The following LPP variants were observed in gnomAD, a reference collection of about 807,000 sequenced individuals.
The protein encoded by LPP is LIM domain containing preferred translocation partner in lipoma, also known as lipoma-preferred partner.
LPP carries 38 observed loss-of-function variants against 60.4 expected under a neutral mutation model. The ratio of observed to expected loss-of-function variants is 0.63; its 90% CI spans 0.49 to 0.83. The LOEUF is 0.83. Ranked by LOEUF, LPP falls within the 40% of genes least tolerant of loss-of-function variation. The probability of loss-of-function intolerance (pLI) is 0.00; values close to 1 mark genes in which losing one functional copy is unlikely to be tolerated. For missense variants in LPP, 902 were observed against 783.6 expected (o/e 1.15, Z -1.80); for synonymous variants, 328 against 290.8 (o/e 1.13, Z -1.30).
chr3:188,616,906 G>A (rs1844951882), intron 7 of LPP, among the ~76,000 whole-genome samples: 1 of 152,090 alleles, frequency 6.6e-6, no homozygotes, highest in African/African-American at 2.4e-5. Flanking sequence ...TATAGAAATA[G>A]CAATAGATTT....
At chr3:188,239,095 C>G (rs1357394078) in intron 2 of LPP, among the ~76,000 whole-genome samples, 2 of 152,288 alleles carry the variant, frequency 1.3e-5, no homozygotes, top group South Asian at 2.1e-4. Flanking sequence ...GGATCAGGAG[C>G]AGGATGGTAG....
chr3:188,324,970 C>T (rs1238857203), intron 2 of LPP, among the ~76,000 whole-genome samples: 2 of 151,906 alleles, frequency 1.3e-5, no homozygotes, highest in Non-Finnish European at 2.9e-5. Flanking sequence ...TATGTTCTCT[C>T]CTTTTTTTTT....
intron 2 of LPP, among the ~76,000 whole-genome samples, chr3:188,339,972 C>G (rs1476766810): frequency 1.3e-5 from 2 of 152,216 alleles, no homozygotes; most frequent in Non-Finnish European, 2.9e-5. Flanking sequence ...GAAGTCTACT[C>G]TTTCTCCTTT....
intron 6 of LPP, among the ~76,000 whole-genome samples, chr3:188,590,603 A>G (rs142026567): frequency 1.1e-3 from 161 of 152,346 alleles, no homozygotes; most frequent in African/African-American, 3.7e-3. Flanking sequence ...TTGCAAAAGA[A>G]GTATTTCACT....
chr3:188,786,672 G>C (rs1742035104), intron 9 of LPP, among the ~76,000 whole-genome samples: 1 of 152,106 alleles, frequency 6.6e-6, no homozygotes, highest in African/African-American at 2.4e-5. Context: ...TTCCCAACCT[G>C]GAAAAAACCC....
chr3:188,860,231 A>T (rs765498562), intron 9 of LPP, among the ~76,000 whole-genome samples: 1 of 152,132 alleles, frequency 6.6e-6, no homozygotes, highest in Non-Finnish European at 1.5e-5. Flanking sequence ...GATGACCAGA[A>T]TCAAGGTAGA....
intron 9 of LPP, among the ~76,000 whole-genome samples, chr3:188,791,282 T>G (rs1210799569): frequency 4.6e-5 from 7 of 152,224 alleles, no homozygotes; most frequent in Admixed American, 4.6e-4. Context: ...CTCTTACTGC[T>G]AAATAGCTTC....
chr3:188,599,017 T>C (rs1255245615), intron 6 of LPP, among the ~76,000 whole-genome samples: 5 of 152,172 alleles, frequency 3.3e-5, no homozygotes, highest in Admixed American at 3.3e-4. Flanking sequence ...AAATAGGCTC[T>C]TCTCTCACTA....
At position 188,491,476 on chromosome 3, in the gene LPP, T is replaced by A. The variant is rs146391755; in HGVS notation, c.306+6772T>A. Among the ~76,000 whole-genome samples, 4 of 152,356 alleles carry A rather than the reference T, an allele frequency of 2.6e-5. No individual in the cohort carries two copies. The East Asian group carries it at 7.7e-4, about 29-fold the overall frequency. ...AAGAGATGATTGAGATGCTTATTTCTTCCTGGCCCTTTGCCTAGTTCCTTT... is the reference window on the plus strand; with the variant it reads ...AAGAGATGATTGAGATGCTTATTTCATCCTGGCCCTTTGCCTAGTTCCTTT... On this transcript the variant is annotated intron_variant, in intron 5 of 11. Coordinates refer to ENST00000617246, the MANE Select transcript of LPP (RefSeq NM_001375462.1).
intron 2 of LPP, among the ~76,000 whole-genome samples, chr3:188,252,480 A>G (rs1288202683): frequency 4.6e-5 from 7 of 151,504 alleles, no homozygotes; most frequent in Admixed American, 2.6e-4. Flanking sequence ...TTTTTGGGAT[A>G]TATTCTTAGA....
At chr3:188,695,486 G>C (rs1863046979) in intron 7 of LPP, among the ~76,000 whole-genome samples, 1 of 152,180 alleles carries the variant, frequency 6.6e-6, no homozygotes, top group South Asian at 2.1e-4. Flanking sequence ...CTGTGTGTGA[G>C]CATTTAATAC....
Position 188,879,088 on chromosome 3 carries a change from T to C in LPP, c.*4609T>C. ...TGTTCTCAGTGAGGCATTAATATGG[T>C]GCAACCATGAATATTTCAGGCCAAG... On this transcript the variant is annotated 3_prime_UTR_variant, in exon 12 of 12. Transcript: ENST00000617246. 1 of 228,176 alleles carries C rather than the reference T, an allele frequency of 4.4e-6. No individual in the cohort carries two copies. Among genetic ancestry groups the C allele is most frequent in the Non-Finnish European group, 8.7e-6 (1 of 114,912 alleles). 14.1% of individuals were successfully genotyped at this position (228,176 alleles called of 1,614,324 possible).
chr3:188,836,497 G>A (rs944253445), intron 9 of LPP, among the ~76,000 whole-genome samples: 1 of 152,190 alleles, frequency 6.6e-6, no homozygotes, highest in African/African-American at 2.4e-5. Context: ...TGACAAGAGT[G>A]GCATCCGTGG....
chr3:188,422,653 T>C (rs756844706), intron 4 of LPP, among the ~76,000 whole-genome samples: 1 of 152,162 alleles, frequency 6.6e-6, no homozygotes, highest in Non-Finnish European at 1.5e-5. Context: ...CTAAAATGCA[T>C]GCCTTGTGCA....
At chr3:188,166,998 A>T (rs1720146836) in intron 1 of LPP, among the ~76,000 whole-genome samples, 2 of 152,272 alleles carry the variant, frequency 1.3e-5, no homozygotes, top group East Asian at 1.9e-4. Context: ...TCGCTGAGGG[A>T]TGTAGTAGAA....
intron 1 of LPP, among the ~76,000 whole-genome samples, chr3:188,194,194 T>A (rs1728919991): frequency 6.6e-6 from 1 of 152,230 alleles, no homozygotes; most frequent in African/African-American, 2.4e-5. Context: ...TGATGGTAAA[T>A]TTAGACAGCA....
chr3:188,195,343 T>TA (rs1729239201), intron 1 of LPP, among the ~76,000 whole-genome samples: 1 of 152,094 alleles, frequency 6.6e-6, no homozygotes, highest in African/African-American at 2.4e-5. Flanking sequence ...GAATGAAACT[T>TA]ACGCCGTTAA....
chr3:188,514,447 T>C (rs1450158151), intron 5 of LPP, among the ~76,000 whole-genome samples: 1 of 152,104 alleles, frequency 6.6e-6, no homozygotes, highest in East Asian at 1.9e-4. Context: ...TTTTATTTTT[T>C]TTTTTATTTT....
chr3:188,637,636 AAG>A (rs1181761466), intron 7 of LPP, among the ~76,000 whole-genome samples: 2 of 152,036 alleles, frequency 1.3e-5, no homozygotes, highest in African/African-American at 4.8e-5. Flanking sequence ...TAAAGAAAAA[AAG>A]AGAGAAGAAT....
Sources: gnomAD v4.1 joint callset for allele counts (sites outside exome capture counted in the v4.1 genomes callset) on GRCh38, gnomAD v4.1.1 for gene constraint, MANE v1.5 for transcripts, NCBI Gene and HGNC (gene_info 2026-07-23, HGNC 2026-07-21) for gene names.